The following CNTN5 variants were observed in gnomAD, a reference collection of about 807,000 sequenced individuals.
CNTN5 encodes the protein contactin-5.
A neutral mutation model predicts 129.1 loss-of-function variants in CNTN5; 77 were observed. The ratio of observed to expected loss-of-function variants is 0.60; its 90% confidence interval spans 0.50 to 0.72. The LOEUF (loss-of-function observed/expected upper bound fraction) is 0.72, where lower values mean the gene tolerates loss of function less well. Ranked by LOEUF, CNTN5 falls within the 30% of genes least tolerant of loss-of-function variation. The pLI, the probability that CNTN5 is intolerant of heterozygous loss-of-function variation, is 0.00. For missense variants in CNTN5, 1,478 were observed against 1,328.8 expected (o/e 1.11, Z -1.75); for synonymous variants, 509 against 465.6 (o/e 1.09, Z -1.20).
At chr11:99,738,616 C>CGTGTGTGTGTGTGTGTGT (rs113729274) in intron 3 of CNTN5, among the ~76,000 whole-genome samples, 1,662 of 142,900 alleles carry the variant, frequency 0.012, 34 homozygotes, top group Admixed American at 0.044. Context: ...AAGACAGTAA[C>CGTGTGTGTGTGTGTGTGT]GTGTGTGTGT....
intron 3 of CNTN5, among the ~76,000 whole-genome samples, chr11:99,591,897 A>G (rs1047974034): frequency 2.0e-5 from 3 of 152,194 alleles, no homozygotes; most frequent in African/African-American, 7.2e-5. Context: ...TGCTTAGTAT[A>G]ATGGAAAAAT....
intron 23 of CNTN5, among the ~76,000 whole-genome samples, chr11:100,342,352 C>T (rs1653575539): frequency 6.6e-6 from 1 of 152,066 alleles, no homozygotes; most frequent in Non-Finnish European, 1.5e-5. Context: ...TTAGGGATAG[C>T]AGGCGAGAAA....
In CNTN5 at chr11:99,219,981, C is replaced by T. The variant is rs79831229; in HGVS notation, c.-209-105365C>T. ...GAGACTGGGTCTAAAACTTTGGGCT[C>T]ATTTGGAATCATTCAGAGATAGGAA... On this transcript the variant is annotated intron_variant, in intron 1 of 24. Transcript: ENST00000524871. Among the ~76,000 whole-genome samples, 273 of 152,058 alleles carry T rather than the reference C, an allele frequency of 1.8e-3. 2 individuals carry two copies. The highest frequency in any genetic ancestry group is 3.4e-3 in the Middle Eastern group (1 of 292).
At chr11:100,018,032 C>T (rs1350714190) in intron 9 of CNTN5, among the ~76,000 whole-genome samples, 2 of 151,842 alleles carry the variant, frequency 1.3e-5, no homozygotes, top group Admixed American at 1.3e-4. Flanking sequence ...TATTCTAATA[C>T]ATTTTCCGTG....
chr11:99,627,225 C>A (rs751244929), intron 3 of CNTN5, among the ~76,000 whole-genome samples: 1 of 152,094 alleles, frequency 6.6e-6, no homozygotes, highest in Non-Finnish European at 1.5e-5. Flanking sequence ...GCAGCTATAT[C>A]CCTCGCCTTA....
At chr11:99,023,762 C>T (rs1344608065) in intron 1 of CNTN5, among the ~76,000 whole-genome samples, 3 of 152,110 alleles carry the variant, frequency 2.0e-5, no homozygotes, top group African/African-American at 4.8e-5. Context: ...TTTGAACTTT[C>T]TTTTAAAATA....
intron 13 of CNTN5, among the ~76,000 whole-genome samples, chr11:100,089,282 T>TCG (rs1368982168): frequency 6.6e-6 from 1 of 152,066 alleles, no homozygotes; most frequent in Non-Finnish European, 1.5e-5. Context: ...ATTCTGTACA[T>TCG]GCAGCCAACA....
chr11:99,435,783 CGT>C (rs1943575508), intron 2 of CNTN5, among the ~76,000 whole-genome samples: 2 of 152,106 alleles, frequency 1.3e-5, no homozygotes, highest in African/African-American at 4.8e-5. Context: ...ATTGGAGAAT[CGT>C]ATACATAGAC....
chr11:99,267,932 A>G (rs904536519), intron 1 of CNTN5, among the ~76,000 whole-genome samples: 81 of 146,624 alleles, frequency 5.5e-4, no homozygotes, highest in Admixed American at 1.6e-3. Context: ...ACACACACAC[A>G]CACACACACA....
intron 7 of CNTN5, among the ~76,000 whole-genome samples, chr11:99,917,904 A>C (rs1949835256): frequency 6.6e-6 from 1 of 152,108 alleles, no homozygotes; most frequent in Non-Finnish European, 1.5e-5. Flanking sequence ...AATATATGTA[A>C]ATTAAATGAC....
At chr11:99,962,993 T>G (rs1431998388) in intron 8 of CNTN5, among the ~76,000 whole-genome samples, 1 of 152,076 alleles carries the variant, frequency 6.6e-6, no homozygotes, top group African/African-American at 2.4e-5. Context: ...TCGCCCACTT[T>G]TTGATGGGGT....
At chr11:99,876,062 T>C (rs1565629356) in intron 6 of CNTN5, among the ~76,000 whole-genome samples, 2 of 152,192 alleles carry the variant, frequency 1.3e-5, no homozygotes, top group Non-Finnish European at 2.9e-5. Flanking sequence ...TATCATCTCC[T>C]GCTGAAAGGC....
At chr11:99,941,336 T>C (rs1442212836) in intron 7 of CNTN5, among the ~76,000 whole-genome samples, 1 of 152,084 alleles carries the variant, frequency 6.6e-6, no homozygotes, top group African/African-American at 2.4e-5. Flanking sequence ...CTTTACCCAA[T>C]ATAATAGTTT....
At chr11:99,946,806 A>G (rs559065863) in intron 7 of CNTN5, among the ~76,000 whole-genome samples, 1 of 151,522 alleles carries the variant, frequency 6.6e-6, no homozygotes, top group South Asian at 2.1e-4. Context: ...TAAATCCCCT[A>G]TTAGTACTAG....
chr11:99,694,215 T>C lies in CNTN5; in HGVS notation c.56-125329T>C, dbSNP rs79262104. ...AGCCAAAGACTTAGAGTTCGTGCTA[T>C]ACTTCAGGGCTGTGCAAACTTCAGA... is the stretch of plus-strand genomic sequence containing the variant. On this transcript the variant is annotated intron_variant, in intron 3 of 24. Transcript: ENST00000524871. 5.2e-3 allele frequency among the ~76,000 whole-genome samples: 791 copies of C among 152,172 alleles called. 22 individuals are homozygous for C. In the East Asian group the frequency reaches 0.093, roughly 18 times the overall value.
At chr11:99,846,378 A>G (rs1271331584) in intron 6 of CNTN5, among the ~76,000 whole-genome samples, 1 of 151,100 alleles carries the variant, frequency 6.6e-6, no homozygotes, top group Admixed American at 6.6e-5. Context: ...AAAAAAAAAA[A>G]AAGAAGTGTG....
intron 3 of CNTN5, among the ~76,000 whole-genome samples, chr11:99,812,613 G>A (rs1565559061): frequency 6.6e-6 from 1 of 152,084 alleles, no homozygotes; most frequent in Non-Finnish European, 1.5e-5. Flanking sequence ...AAATCACAGA[G>A]CTATTCCTCT....
rs1455377789 is a variant in CNTN5, at chr11:100,357,275, T to G, written c.*1055T>G. 6.6e-6 allele frequency: 1 copy of G among 151,832 alleles called. No individual in the cohort carries two copies. The highest frequency in any genetic ancestry group is 2.4e-5 in the African/African-American group (1 of 41,432). The allele number at this position is 151,832 out of a possible 1,614,324, so 9.4% of individuals were successfully genotyped here. A position where few individuals can be genotyped will look rare whatever the true frequency, so the allele number is the denominator to read the frequency against. On this transcript the variant is annotated 3_prime_UTR_variant, in exon 25 of 25. Transcript: ENST00000524871. ...AGTTCCATGCATCACATACCACTGA[T>G]AAAATCAACTAGTAAAATAAAGACA... is the stretch of plus-strand genomic sequence containing the variant.
intron 1 of CNTN5, among the ~76,000 whole-genome samples, chr11:99,230,679 G>A (rs1246059294): frequency 2.0e-5 from 3 of 151,930 alleles, no homozygotes; most frequent in Non-Finnish European, 4.4e-5. Context: ...TTTAAGTTCC[G>A]GGGTACAAGT....
Sources: gnomAD v4.1 joint callset for allele counts (sites outside exome capture counted in the v4.1 genomes callset) on GRCh38, gnomAD v4.1.1 for gene constraint, MANE v1.5 for transcripts, NCBI Gene and HGNC (gene_info 2026-07-23, HGNC 2026-07-21) for gene names.